ATXN7L1: variants seen among roughly 807,000 people sequenced by gnomAD.
ATXN7L1 encodes ataxin-7-like protein 1.
Under a neutral mutation model 70.8 loss-of-function variants are expected in ATXN7L1, and 15 were observed. That is an observed-to-expected ratio of 0.21 (90% CI 0.14 to 0.33). ATXN7L1 has a LOEUF of 0.33. ATXN7L1 is among the 10% of genes least tolerant of loss of function. The pLI is 1.00. For synonymous variants in ATXN7L1, 440 were observed against 445.1 expected (o/e 0.99, Z 0.14); for missense variants, 975 against 1,097.1 (o/e 0.89, Z 1.57).
chr7:105,696,386 G>A (rs988108979), intron 3 of ATXN7L1, among the ~76,000 whole-genome samples: 2 of 152,154 alleles, frequency 1.3e-5, no homozygotes, highest in South Asian at 2.1e-4. Flanking sequence ...GTCTTGGCAC[G>A]GAAACTCGTT....
At chr7:105,816,340 G>T (rs1022880085) in intron 2 of ATXN7L1, among the ~76,000 whole-genome samples, 1 of 152,180 alleles carries the variant, frequency 6.6e-6, no homozygotes, top group African/African-American at 2.4e-5. Context: ...AACTCTGAGA[G>T]AAAACAATTT....
At chr7:105,715,724 CTG>C (rs1794455039) in intron 3 of ATXN7L1, among the ~76,000 whole-genome samples, 2 of 152,236 alleles carry the variant, frequency 1.3e-5, no homozygotes, top group South Asian at 4.1e-4. Context: ...CCTGGTAAAA[CTG>C]TGACTAGTGG....
chr7:105,715,105 T>C (rs547662757), intron 3 of ATXN7L1, among the ~76,000 whole-genome samples: 2 of 152,138 alleles, frequency 1.3e-5, no homozygotes, highest in Non-Finnish European at 2.9e-5. Context: ...CTTACAATAG[T>C]AGTAAGACCA....
chr7:105,670,630 A>G (rs991328698), intron 3 of ATXN7L1, among the ~76,000 whole-genome samples: 1 of 150,678 alleles, frequency 6.6e-6, no homozygotes, highest in African/African-American at 2.4e-5. Flanking sequence ...TTATTTAGCT[A>G]CTCTCTTGCT....
At chr7:105,774,007 C>T (rs1802380395) in intron 3 of ATXN7L1, among the ~76,000 whole-genome samples, 1 of 152,122 alleles carries the variant, frequency 6.6e-6, no homozygotes, top group Non-Finnish European at 1.5e-5. Context: ...CTGGGGTACA[C>T]CCTCTTCCTC....
chr7:105,729,960 A>G (rs926518553), intron 3 of ATXN7L1, among the ~76,000 whole-genome samples: 1 of 151,572 alleles, frequency 6.6e-6, no homozygotes, highest in Non-Finnish European at 1.5e-5. Flanking sequence ...GATGGTCTCA[A>G]TCTCCTGACC....
At chr7:105,724,153 G>A (rs1165640531) in intron 3 of ATXN7L1, among the ~76,000 whole-genome samples, 1 of 152,164 alleles carries the variant, frequency 6.6e-6, no homozygotes, top group African/African-American at 2.4e-5. Flanking sequence ...CTGAAATCAT[G>A]GTGTTGGCAG....
intron 5 of ATXN7L1, among the ~76,000 whole-genome samples, chr7:105,641,459 C>T (rs1798239204): frequency 1.3e-5 from 2 of 151,916 alleles, no homozygotes; most frequent in Admixed American, 6.6e-5. Context: ...GAGGCAGAAA[C>T]AAGCAAAAGA....
intron 3 of ATXN7L1, among the ~76,000 whole-genome samples, chr7:105,770,834 AT>A (rs1563079048): frequency 6.6e-6 from 1 of 152,308 alleles, no homozygotes; most frequent in East Asian, 1.9e-4. Context: ...GCTAAATTCT[AT>A]TCTCCAAGCT....
chr7:105,751,088 T>C (rs1013770324), intron 3 of ATXN7L1, among the ~76,000 whole-genome samples: 3 of 152,226 alleles, frequency 2.0e-5, no homozygotes, highest in Admixed American at 6.5e-5. Context: ...CATTTTTCTA[T>C]TTCCCTTCTC....
At chr7:105,808,574 C>T (rs1807947101) in intron 2 of ATXN7L1, among the ~76,000 whole-genome samples, 1 of 152,228 alleles carries the variant, frequency 6.6e-6, no homozygotes, top group Non-Finnish European at 1.5e-5. Context: ...TGAGAAAAAT[C>T]AGCACCTAAA....
At chr7:105,850,240 G>T (rs981998998) in intron 2 of ATXN7L1, among the ~76,000 whole-genome samples, 6 of 152,212 alleles carry the variant, frequency 3.9e-5, no homozygotes, top group Non-Finnish European at 8.8e-5. Context: ...CCTGCCTAGG[G>T]CCCTGGTTTA....
chr7:105,813,905 T>C (rs1210784104), intron 2 of ATXN7L1, among the ~76,000 whole-genome samples: 1 of 152,192 alleles, frequency 6.6e-6, no homozygotes, highest in Non-Finnish European at 1.5e-5. Context: ...AATTTCTCCA[T>C]GTATCCTGGA....
At chr7:105,722,437 C>T (rs190458499) in intron 3 of ATXN7L1, among the ~76,000 whole-genome samples, 30 of 151,678 alleles carry the variant, frequency 2.0e-4, no homozygotes, top group Non-Finnish European at 4.1e-4. Flanking sequence ...TAGTACAGGC[C>T]TATAGTTCCA....
Position 105,613,933 on chromosome 7 carries a change from C to T in ATXN7L1, c.2401G>A (p.Val801Ile), listed in dbSNP as rs1207829924. 7 of 1,552,092 alleles carry T rather than the reference C, an allele frequency of 4.5e-6. No homozygotes were observed. Among genetic ancestry groups the T allele is most frequent in the African/African-American group, 2.7e-5 (2 of 73,040 alleles). Residue 801 changes from valine (V) to isoleucine (I), a missense_variant, in exon 10 of 12, where the codon GTT becomes ATT. Coordinates refer to ENST00000419735, the MANE Select transcript of ATXN7L1 (RefSeq NM_020725.2). Reference sequence around the variant, plus strand: ...AGGCTGGGCGGGTTCTTTTTGTGAACGCTATTCATACCAGGCATTTTAGTG... The same window carrying T: ...AGGCTGGGCGGGTTCTTTTTGTGAATGCTATTCATACCAGGCATTTTAGTG... Reference protein sequence around the residue: ...KITKMPGMNSVHKKNPPSLLA... With the variant: ...KITKMPGMNSIHKKNPPSLLA...
chr7:105,678,260 G>T (rs1304742798), intron 3 of ATXN7L1, among the ~76,000 whole-genome samples: 3 of 152,138 alleles, frequency 2.0e-5, no homozygotes, highest in Admixed American at 2.0e-4. Context: ...ACAGCAAAGG[G>T]TCTATTTTCC....
chr7:105,634,408 C>T (rs1797067455), intron 7 of ATXN7L1, among the ~76,000 whole-genome samples: 1 of 151,512 alleles, frequency 6.6e-6, no homozygotes, highest in Non-Finnish European at 1.5e-5. Flanking sequence ...TGATTCAGTC[C>T]TTACCATTTG....
chr7:105,700,859 T>G (rs1324552846), intron 3 of ATXN7L1, among the ~76,000 whole-genome samples: 1 of 152,126 alleles, frequency 6.6e-6, no homozygotes, highest in African/African-American at 2.4e-5. Context: ...TTTTTGCATT[T>G]TTTGTAGAGA....
At chr7:105,707,822 A>G (rs1456823935) in intron 3 of ATXN7L1, among the ~76,000 whole-genome samples, 1 of 152,238 alleles carries the variant, frequency 6.6e-6, no homozygotes, top group Non-Finnish European at 1.5e-5. Context: ...TACAGAAATC[A>G]TTGCCCATCA....
Sources: gnomAD v4.1 joint callset for allele counts (sites outside exome capture counted in the v4.1 genomes callset) on GRCh38, gnomAD v4.1.1 for gene constraint, MANE v1.5 for transcripts, NCBI Gene and HGNC (gene_info 2026-07-23, HGNC 2026-07-21) for gene names.